The following GRIA4 variants were observed in gnomAD, a reference collection of about 807,000 sequenced individuals.
The protein encoded by GRIA4 is glutamate ionotropic receptor AMPA type subunit 4, also known as glutamate receptor 4.
In GRIA4, 34 loss-of-function variants were observed where a neutral mutation model predicts 104.0. That is an observed-to-expected ratio of 0.33 (90% CI 0.25 to 0.44). The LOEUF (loss-of-function observed/expected upper bound fraction) is 0.44. Ranked by LOEUF, GRIA4 falls within the 20% of genes least tolerant of loss-of-function variation. The probability of loss-of-function intolerance (pLI) is 1.00; values close to 1 mark genes in which losing one functional copy is unlikely to be tolerated. For missense variants in GRIA4, 750 were observed against 1,096.5 expected, an observed-to-expected ratio of 0.68 and a Z score of 4.46; for synonymous variants, 386 against 381.9, an observed-to-expected ratio of 1.01 and a Z score of -0.13.
intron 3 of GRIA4, among the ~76,000 whole-genome samples, chr11:105,740,497 G>A (rs1389325258): frequency 6.6e-6 from 1 of 152,174 alleles, no homozygotes; most frequent in Non-Finnish European, 1.5e-5. Context: ...CAACTTTAGG[G>A]GCTAGGGATA....
intron 3 of GRIA4, among the ~76,000 whole-genome samples, chr11:105,681,237 G>T (rs556998408): frequency 2.0e-5 from 3 of 152,338 alleles, no homozygotes; most frequent in South Asian, 4.1e-4. Context: ...GCATGCACTT[G>T]TTGCTAAAAT....
At chr11:105,693,638 T>C (rs537057045) in intron 3 of GRIA4, among the ~76,000 whole-genome samples, 10 of 152,340 alleles carry the variant, frequency 6.6e-5, no homozygotes, top group African/African-American at 9.6e-5. Context: ...TTTTTGATCA[T>C]TGTAAACGCT....
Position 105,972,035 on chromosome 11 carries a change from C to G in GRIA4, c.2409+7C>G, listed in dbSNP as rs749357848. The G allele has an allele frequency of 1.9e-6, 3 of 1,556,258 alleles. No homozygotes were observed. The highest frequency in any genetic ancestry group is 3.4e-4 in the Middle Eastern group (2 of 5,928). On this transcript the variant is annotated splice_region_variant and intron_variant, in intron 15 of 16. Transcript: ENST00000282499. Reference sequence around the variant, plus strand: ...CAAGGACTCTGGAAGCAAGGTCAGTCGCTGCAGTTCGGGGCCTCCTCTTGT... The same window carrying G: ...CAAGGACTCTGGAAGCAAGGTCAGTGGCTGCAGTTCGGGGCCTCCTCTTGT...
intron 4 of GRIA4, among the ~76,000 whole-genome samples, chr11:105,854,861 C>T (rs189073989): frequency 6.6e-6 from 1 of 152,094 alleles, no homozygotes; most frequent in African/African-American, 2.4e-5. Flanking sequence ...GACTTGAGTT[C>T]ATTCACATTT....
chr11:105,725,844 G>C (rs1442030193), intron 3 of GRIA4, among the ~76,000 whole-genome samples: 1 of 152,130 alleles, frequency 6.6e-6, no homozygotes, highest in Non-Finnish European at 1.5e-5. Context: ...CGTGCTGTGA[G>C]GGATGGTGCT....
chr11:105,910,220 C>T (rs569898405), intron 9 of GRIA4, among the ~76,000 whole-genome samples: 99 of 152,168 alleles, frequency 6.5e-4, no homozygotes, highest in African/African-American at 2.3e-3. Flanking sequence ...AGTAAATTTG[C>T]CAAACATGTA....
At chr11:105,971,452 AC>A (rs1395656918) in intron 14 of GRIA4, among the ~76,000 whole-genome samples, 7 of 152,228 alleles carry the variant, frequency 4.6e-5, no homozygotes, top group Admixed American at 1.3e-4. Context: ...CTGTAGACAT[AC>A]TTTTATAGCA....
chr11:105,907,322 TTC>T (rs979217343), intron 9 of GRIA4, among the ~76,000 whole-genome samples: 5 of 152,206 alleles, frequency 3.3e-5, no homozygotes, highest in African/African-American at 1.2e-4. Flanking sequence ...CTCATCTATC[TTC>T]TTTTTTCCAT....
chr11:105,960,516 A>G (rs1343302157), intron 14 of GRIA4, among the ~76,000 whole-genome samples: 2 of 152,150 alleles, frequency 1.3e-5, no homozygotes, highest in Non-Finnish European at 2.9e-5. Context: ...CACAGCCTGG[A>G]GCTATAGAAA....
intron 3 of GRIA4, among the ~76,000 whole-genome samples, chr11:105,644,120 C>T (rs968470839): frequency 6.6e-6 from 1 of 152,130 alleles, no homozygotes; most frequent in Non-Finnish European, 1.5e-5. Flanking sequence ...AAATTATTTA[C>T]TACCTGATTT....
intron 7 of GRIA4, 132 bp from the exon 8 acceptor site, chr11:105,903,678 CAATT>C (rs1946944191): frequency 6.7e-6 from 4 of 601,314 alleles, no homozygotes; most frequent in Non-Finnish European, 1.2e-5. Context: ...AAGCTAGAGT[CAATT>C]AATTATCAGT....
chr11:105,649,922 T>C (rs1407467836), intron 3 of GRIA4, among the ~76,000 whole-genome samples: 1 of 152,076 alleles, frequency 6.6e-6, no homozygotes, highest in Non-Finnish European at 1.5e-5. Context: ...TAGAATTGAC[T>C]CATATAATAC....
intron 3 of GRIA4, among the ~76,000 whole-genome samples, chr11:105,745,642 T>C (rs775518201): frequency 3.3e-5 from 5 of 152,206 alleles, no homozygotes; most frequent in Admixed American, 6.5e-5. Flanking sequence ...GACTTCTTAG[T>C]TTTATCTGTA....
intron 3 of GRIA4, among the ~76,000 whole-genome samples, chr11:105,693,215 C>T (rs1188452172): frequency 1.3e-5 from 2 of 152,162 alleles, no homozygotes; most frequent in African/African-American, 4.8e-5. Flanking sequence ...TTGCTATTTA[C>T]TCTCTTGCAA....
chr11:105,860,956 GAAA>G (rs55824302), intron 4 of GRIA4, among the ~76,000 whole-genome samples: 1,967 of 106,034 alleles, frequency 0.019, 28 homozygotes, highest in African/African-American at 0.052. Flanking sequence ...AAGACTGTCT[GAAA>G]AAAAAAAAAA....
chr11:105,705,153 G>T (rs545324295), intron 3 of GRIA4, among the ~76,000 whole-genome samples: 1 of 152,070 alleles, frequency 6.6e-6, no homozygotes, highest in African/African-American at 2.4e-5. Flanking sequence ...CACATTTGGG[G>T]CATCACTGGG....
Position 105,717,536 on chromosome 11 carries a change from T to C in GRIA4, c.248-35445T>C, listed in dbSNP as rs75216378. Among the ~76,000 whole-genome samples the C allele has an allele frequency of 1.1e-3, 171 of 152,136 alleles. 2 individuals carry two copies. In the East Asian group the frequency reaches 0.031, roughly 27 times the overall value. The stretch of plus-strand genomic sequence containing the variant: ...CTAAAAAGACATTCTTACAAGTTTT[T>C]TTTTTCTTGGAAGGGAGGAATAGTC... On this transcript the variant is annotated intron_variant, in intron 3 of 16. Coordinates refer to ENST00000282499, the MANE Select transcript of GRIA4 (RefSeq NM_000829.4).
At chr11:105,627,159 A>T (rs556276487) in intron 3 of GRIA4, among the ~76,000 whole-genome samples, 2 of 152,358 alleles carry the variant, frequency 1.3e-5, no homozygotes, top group African/African-American at 4.8e-5. Flanking sequence ...TGAAAGACGC[A>T]TGAGATTCTG....
At chr11:105,819,962 T>C (rs1943519559) in intron 4 of GRIA4, among the ~76,000 whole-genome samples, 1 of 151,962 alleles carries the variant, frequency 6.6e-6, no homozygotes, top group Non-Finnish European at 1.5e-5. Flanking sequence ...AAGATGGAGA[T>C]ACACAGGAAG....
Sources: gnomAD v4.1 joint callset for allele counts (sites outside exome capture counted in the v4.1 genomes callset) on GRCh38, gnomAD v4.1.1 for gene constraint, MANE v1.5 for transcripts, NCBI Gene and HGNC (gene_info 2026-07-23, HGNC 2026-07-21) for gene names.